The following RBM33 variants were observed in gnomAD, a reference collection of about 807,000 sequenced individuals.
RBM33 encodes RNA binding motif protein 33, also known as RNA-binding protein 33.
A neutral mutation model predicts 132.6 loss-of-function variants in RBM33; 28 were observed. The ratio of observed to expected loss-of-function variants is 0.21; its 90% CI spans 0.16 to 0.29. The LOEUF (loss-of-function observed/expected upper bound fraction) is 0.29, where lower values mean the gene tolerates loss of function less well. RBM33 is among the 10% of genes least tolerant of loss of function. RBM33 has a pLI of 1.00. For missense variants in RBM33, 1,291 were observed against 1,518.5 expected (o/e 0.85, Z 2.49); for synonymous variants, 634 against 593.0 (o/e 1.07, Z -1.01).
intron 15 of RBM33, among the ~76,000 whole-genome samples, chr7:155,765,840 G>A (rs543715659): frequency 7.2e-5 from 11 of 152,268 alleles, no homozygotes; most frequent in Admixed American, 2.0e-4. Flanking sequence ...TCATACTTGG[G>A]GAGTGCCTGG....
At chr7:155,690,148 G>A (rs946426614) in intron 5 of RBM33, among the ~76,000 whole-genome samples, 8 of 152,148 alleles carry the variant, frequency 5.3e-5, no homozygotes, top group Non-Finnish European at 7.4e-5. Context: ...ATGAATCTGG[G>A]TGCTCCTGTA....
intron 14 of RBM33, among the ~76,000 whole-genome samples, chr7:155,756,825 G>C (rs888738093): frequency 3.7e-5 from 5 of 133,374 alleles, no homozygotes; most frequent in African/African-American, 9.8e-5. Context: ...GGGTAGCTTG[G>C]TGGTGGGTAG....
At chr7:155,746,925 C>T (rs2117039768) in intron 14 of RBM33, among the ~76,000 whole-genome samples, 1 of 152,318 alleles carries the variant, frequency 6.6e-6, no homozygotes, top group South Asian at 2.1e-4. Flanking sequence ...GATGGTAGGA[C>T]ATGTGATCAT....
chr7:155,722,719 GT>G (rs1488164203), intron 9 of RBM33, among the ~76,000 whole-genome samples: 1 of 152,126 alleles, frequency 6.6e-6, no homozygotes, highest in Non-Finnish European at 1.5e-5. Context: ...TGTGAATCTA[GT>G]TTTTCTGTGC....
At position 155,676,651 on chromosome 7, in the gene RBM33, G is replaced by A. The variant is rs577508178; in HGVS notation, c.172-1957G>A. 3.9e-5 allele frequency among the ~76,000 whole-genome samples: 6 copies of A among 152,270 alleles called. No homozygotes were observed. In the South Asian group the frequency reaches 1.2e-3, roughly 32 times the overall value. On this transcript the variant is annotated intron_variant, in intron 3 of 17. Transcript: ENST00000401878. ...TGGCCACTTTATCTTCATCTCTTGGGATCTGTGGCCCTGATTTCCTGCAGA... is the reference window on the plus strand; with the variant it reads ...TGGCCACTTTATCTTCATCTCTTGGAATCTGTGGCCCTGATTTCCTGCAGA...
intron 14 of RBM33, among the ~76,000 whole-genome samples, chr7:155,749,059 G>T (rs1405379643): frequency 2.6e-5 from 4 of 152,136 alleles, no homozygotes; most frequent in African/African-American, 9.7e-5. Context: ...GTGGCTTTGG[G>T]TGCAGAAAGA....
At chr7:155,691,650 A>G (rs1228086325) in intron 5 of RBM33, among the ~76,000 whole-genome samples, 3 of 152,204 alleles carry the variant, frequency 2.0e-5, no homozygotes, top group Non-Finnish European at 4.4e-5. Context: ...GTTAACAAGT[A>G]TTATCATTGC....
intron 11 of RBM33, 168 bp downstream of exon 11, chr7:155,738,571 T>G: frequency 1.5e-6 from 1 of 676,152 alleles, no homozygotes; most frequent in Non-Finnish European, 2.4e-6. Flanking sequence ...TCAACAATGT[T>G]ACTTATCTCA....
At chr7:155,764,710 G>A (rs1021722444) in intron 15 of RBM33, among the ~76,000 whole-genome samples, 5 of 152,262 alleles carry the variant, frequency 3.3e-5, no homozygotes, top group Admixed American at 3.3e-4. Flanking sequence ...TGGTGCAGAA[G>A]CCAGTAGCAC....
intron 16 of RBM33, among the ~76,000 whole-genome samples, chr7:155,771,907 T>C (rs1414082682): frequency 1.3e-5 from 2 of 152,096 alleles, no homozygotes; most frequent in African/African-American, 4.8e-5. Context: ...GCCTGGCTAA[T>C]TTTTGATTTT....
chr7:155,689,467 T>G (rs1799571280), intron 5 of RBM33, among the ~76,000 whole-genome samples: 1 of 152,234 alleles, frequency 6.6e-6, no homozygotes. Flanking sequence ...TGTATCTCTA[T>G]CTCCTTCAGT....
intron 1 of RBM33, among the ~76,000 whole-genome samples, chr7:155,657,271 A>G (rs577390118): frequency 6.6e-6 from 1 of 152,248 alleles, no homozygotes; most frequent in East Asian, 1.9e-4. Flanking sequence ...TGGCAGTTAA[A>G]TTTCCTTCCG....
intron 1 of RBM33, among the ~76,000 whole-genome samples, chr7:155,647,454 A>G (rs1371665857): frequency 6.6e-6 from 1 of 152,012 alleles, no homozygotes; most frequent in African/African-American, 2.4e-5. Context: ...TTTTTGAGAC[A>G]GGGTCTTGCT....
chr7:155,656,499 ACTT>A (rs986164096), intron 1 of RBM33, among the ~76,000 whole-genome samples: 7 of 152,142 alleles, frequency 4.6e-5, no homozygotes, highest in Non-Finnish European at 1.0e-4. Flanking sequence ...AAGACAAAGT[ACTT>A]CTTTTTACAA....
Position 155,745,266 on chromosome 7 carries a change from C to T in RBM33, c.2643C>T (p.Val881=), listed in dbSNP as rs773249534. ...KNRLLVKNQD[V]SISNVQPKTS... ...GACTTCTTGTTAAAAACCAGGATGT[C>T]AGTATTTCAAACGTTCAGCCCAAAA... Residue 881 remains valine (V), a synonymous_variant, in exon 14 of 18, where the codon GTC becomes GTT. Coordinates refer to ENST00000401878, the MANE Select transcript of RBM33 (RefSeq NM_053043.3). This position sits in a 1 kb window ranked among gnomAD's most constrained non-coding sequence, Gnocchi z 4.1. 1 of 1,612,814 alleles carries T rather than the reference C, an allele frequency of 6.2e-7. No individual in the cohort carries two copies. The highest frequency in any genetic ancestry group is 1.1e-5 in the South Asian group (1 of 90,750).
chr7:155,713,822 A>T (rs1263182077), intron 8 of RBM33, among the ~76,000 whole-genome samples: 1 of 152,242 alleles, frequency 6.6e-6, no homozygotes, highest in Non-Finnish European at 1.5e-5. Context: ...AAGGAAAAAC[A>T]TCATTGATGC....
intron 9 of RBM33, 130 bp from the exon 10 acceptor site, chr7:155,737,394 GAAAGAC>G: frequency 4.1e-6 from 3 of 732,836 alleles, no homozygotes; most frequent in African/African-American, 5.0e-5. Flanking sequence ...TGTAGAAAGA[GAAAGAC>G]AGTGACTGTT....
chr7:155,742,826 C>T (rs1428848680), intron 13 of RBM33, among the ~76,000 whole-genome samples: 4 of 152,222 alleles, frequency 2.6e-5, no homozygotes, highest in Non-Finnish European at 5.9e-5. Flanking sequence ...GCCTCAGTCT[C>T]CTCATCTGGT....
intron 8 of RBM33, among the ~76,000 whole-genome samples, chr7:155,712,306 T>G (rs562379424): frequency 6.6e-6 from 1 of 152,242 alleles, no homozygotes; most frequent in Admixed American, 6.5e-5. Context: ...TAGGAAACGG[T>G]TTTTGAGCAG....
Sources: allele counts gnomAD v4.1 joint callset (sites outside exome capture counted in the v4.1 genomes callset), GRCh38; gene constraint gnomAD v4.1.1; non-coding constraint Gnocchi (gnomAD v3.1); transcripts MANE v1.5; gene names NCBI Gene and HGNC (gene_info 2026-07-23, HGNC 2026-07-21).